Variants in NRG1 observed in about 807,000 individuals in gnomAD.
The protein encoded by NRG1 is neuregulin 1, also known as pro-neuregulin-1, membrane-bound isoform.
NRG1 carries 18 observed loss-of-function variants against 63.8 expected under a neutral mutation model. The ratio of observed to expected loss-of-function variants is 0.28; its 90% CI spans 0.19 to 0.42. NRG1 has a LOEUF of 0.42. Among genes scored for constraint, NRG1 ranks in the 10% least tolerant of loss-of-function variants. The pLI is 1.00. For synonymous variants in NRG1, 302 were observed against 301.3 expected (o/e 1.00, Z -0.02); for missense variants, 762 against 814.7 (o/e 0.94, Z 0.79).
intron 1 of NRG1, among the ~76,000 whole-genome samples, chr8:32,140,344 G>A (rs1268283284): frequency 6.6e-6 from 1 of 151,860 alleles, no homozygotes; most frequent in Non-Finnish European, 1.5e-5. Flanking sequence ...TAGTTTTTCT[G>A]CTCGATAATA....
intron 1 of NRG1, among the ~76,000 whole-genome samples, chr8:31,842,938 G>A (rs754854420): frequency 5.9e-5 from 9 of 152,128 alleles, no homozygotes; most frequent in Non-Finnish European, 1.0e-4. Context: ...TTCATAGGAT[G>A]TCCCAGACAA....
At chr8:31,706,676 G>T (rs935901652) in intron 1 of NRG1, among the ~76,000 whole-genome samples, 1 of 152,144 alleles carries the variant, frequency 6.6e-6, no homozygotes, top group South Asian at 2.1e-4. Context: ...ATATGAGATT[G>T]TTCCTTTTTC....
chr8:32,443,809 G>A lies in NRG1; in HGVS notation c.38-152019G>A, dbSNP rs1035295693. 4.1e-5 allele frequency among the ~76,000 whole-genome samples: 6 copies of A among 147,336 alleles called. No individual in the cohort carries two copies. The East Asian group carries it at 6.1e-4, about 15-fold the overall frequency. Reference sequence around the variant, plus strand: ...CTAGAAAATCATGCTTTTCGAGAACGCATTTCTATTATGGAGTTTCTTAAA... The same window carrying A: ...CTAGAAAATCATGCTTTTCGAGAACACATTTCTATTATGGAGTTTCTTAAA... On this transcript the variant is annotated intron_variant, in intron 1 of 10. Transcript: ENST00000519301.
At chr8:32,497,463 A>G (rs1165427712) in intron 1 of NRG1, among the ~76,000 whole-genome samples, 1 of 151,410 alleles carries the variant, frequency 6.6e-6, no homozygotes, top group Non-Finnish European at 1.5e-5. Flanking sequence ...AAAAAAAAAA[A>G]AGGAAAATCT....
chr8:31,813,519 T>TTCTTTTCTTTTCTTTTCTTTTCTTTTC (rs778228643), intron 1 of NRG1, among the ~76,000 whole-genome samples: 97 of 116,106 alleles, frequency 8.4e-4, no homozygotes, highest in Admixed American at 1.5e-3. Context: ...TTCTTTTCTT[T>TTCTTTTCTTTTCTTTTCTTTTCTTTTC]TTTTTTTTTT....
At chr8:31,970,961 G>A (rs890118552) in intron 1 of NRG1, among the ~76,000 whole-genome samples, 1 of 151,820 alleles carries the variant, frequency 6.6e-6, no homozygotes, top group South Asian at 2.1e-4. Context: ...GGAGAATGGC[G>A]TGAACCCGGG....
rs894083610 is a variant in NRG1 at position 32,454,323 on chromosome 8, C to T, written c.38-141505C>T. Among the ~76,000 whole-genome samples, 10 of 152,108 alleles carry T rather than the reference C, an allele frequency of 6.6e-5. 1 individual carries two copies. The highest frequency in any genetic ancestry group is 2.2e-4 in the African/African-American group (9 of 41,418). On this transcript the variant is annotated intron_variant, in intron 1 of 10. Transcript: ENST00000519301. ...ATTTCATTTCAAGATATTTAAGATG[C>T]CTTAGAAACTTTTCTAAAAACAGTA... is the stretch of plus-strand genomic sequence containing the variant.
intron 5 of NRG1, among the ~76,000 whole-genome samples, chr8:32,621,221 T>C (rs1199547479): frequency 6.6e-6 from 1 of 152,220 alleles, no homozygotes; most frequent in African/African-American, 2.4e-5. Flanking sequence ...TTAAGTTCTT[T>C]ATACTAATCT....
intron 1 of NRG1, among the ~76,000 whole-genome samples, chr8:32,142,237 G>T (rs1836366640): frequency 6.6e-6 from 1 of 152,150 alleles, no homozygotes; most frequent in Non-Finnish European, 1.5e-5. Flanking sequence ...AATGACCCTT[G>T]CCTGAGGATG....
intron 1 of NRG1, among the ~76,000 whole-genome samples, chr8:32,295,820 G>A (rs1854776222): frequency 6.6e-6 from 1 of 151,622 alleles, no homozygotes; most frequent in East Asian, 2.0e-4. Flanking sequence ...AGGGTGGCAG[G>A]AGAATACTCA....
At chr8:32,464,251 G>T in intron 1 of NRG1, among the ~76,000 whole-genome samples, 1 of 150,788 alleles carries the variant, frequency 6.6e-6, no homozygotes. Context: ...TTATTTTCAT[G>T]TATATTCCCT....
intron 1 of NRG1, among the ~76,000 whole-genome samples, chr8:31,730,383 G>T (rs1260906892): frequency 1.3e-5 from 2 of 152,124 alleles, no homozygotes; most frequent in East Asian, 3.9e-4. Flanking sequence ...TCTAATGAGG[G>T]CTACTCACTC....
intron 1 of NRG1, among the ~76,000 whole-genome samples, chr8:32,500,490 A>G (rs1333994619): frequency 6.6e-6 from 1 of 152,142 alleles, no homozygotes; most frequent in Non-Finnish European, 1.5e-5. Context: ...GTTCCTTAAA[A>G]CTATTGGGTT....
intron 1 of NRG1, among the ~76,000 whole-genome samples, chr8:31,753,525 G>T (rs1192389552): frequency 6.6e-6 from 1 of 152,076 alleles, no homozygotes; most frequent in Non-Finnish European, 1.5e-5. Context: ...AAAGTAAACA[G>T]TAGTCAATTA....
intron 1 of NRG1, among the ~76,000 whole-genome samples, chr8:31,932,712 G>A (rs1055769168): frequency 1.3e-5 from 2 of 152,144 alleles, no homozygotes; most frequent in African/African-American, 4.8e-5. Flanking sequence ...GATAAAACAA[G>A]ACTCATGGAG....
chr8:32,364,652 C>T (rs1587090904), intron 1 of NRG1, among the ~76,000 whole-genome samples: 1 of 151,972 alleles, frequency 6.6e-6, no homozygotes, highest in South Asian at 2.1e-4. Flanking sequence ...TGTGAGATTT[C>T]TTTTCCTATA....
At chr8:32,196,943 CTTTTTT>C (rs773398472) in intron 1 of NRG1, among the ~76,000 whole-genome samples, 328 of 27,364 alleles carry the variant, frequency 0.012, 2 homozygotes, top group African/African-American at 0.033. Context: ...TCAGAACATT[CTTTTTT>C]TTTTTTTTTT....
At chr8:32,282,323 A>G (rs934623490) in intron 1 of NRG1, among the ~76,000 whole-genome samples, 3 of 152,174 alleles carry the variant, frequency 2.0e-5, no homozygotes, top group African/African-American at 7.2e-5. Flanking sequence ...CACTCTGAAT[A>G]TGAAGGGTAT....
intron 1 of NRG1, among the ~76,000 whole-genome samples, chr8:32,335,780 T>C (rs75992426): frequency 0.093 from 14,171 of 151,990 alleles, 891 homozygotes; most frequent in African/African-American, 0.17. Flanking sequence ...TCAAACACGT[T>C]TGAAAGAAAT....
Sources: allele counts gnomAD v4.1 joint callset (sites outside exome capture counted in the v4.1 genomes callset), GRCh38; gene constraint gnomAD v4.1.1; transcripts MANE v1.5; gene names NCBI Gene and HGNC (gene_info 2026-07-23, HGNC 2026-07-21).